TMC3: variants seen among roughly 807,000 people sequenced by gnomAD.
The protein encoded by TMC3 is transmembrane channel-like protein 3.
A neutral mutation model predicts 110.6 loss-of-function variants in TMC3; 98 were observed. That is an observed-to-expected ratio of 0.89 (90% confidence interval 0.75 to 1.05). TMC3 has a LOEUF of 1.05. Among genes scored for constraint, TMC3 ranks in the 50% least tolerant of loss-of-function variants. The pLI, the probability that TMC3 is intolerant of heterozygous loss-of-function variation, is 0.00. For synonymous variants in TMC3, 489 were observed against 513.1 expected (o/e 0.95, Z 0.63); for missense variants, 1,319 against 1,373.2 (o/e 0.96, Z 0.62).
Position 81,359,488 on chromosome 15 carries a change from T to C in TMC3, c.395-17A>G. ...CAAAATGACCTAAAGAAAGACAAGA[T>C]AATGAGAACAGTTTAAATAAAATCC... On this transcript the variant is annotated splice_polypyrimidine_tract_variant and intron_variant, in intron 4 of 21. Coordinates refer to ENST00000359440, the MANE Select transcript of TMC3 (RefSeq NM_001080532.3). 6.7e-7 allele frequency: 1 copy of C among 1,503,184 alleles called. No individual in the cohort carries two copies. The highest frequency in any genetic ancestry group is 9.0e-7 in the Non-Finnish European group (1 of 1,110,558). The allele number at this position is 1,503,184 out of a possible 1,614,324, so 93.1% of individuals were successfully genotyped here.
chr15:81,337,328 T>G (rs1258365174), intron 19 of TMC3, among the ~76,000 whole-genome samples: 1 of 151,970 alleles, frequency 6.6e-6, no homozygotes. Flanking sequence ...GAGGAGAAAT[T>G]GTGGGAGTTT....
intron 18 of TMC3, among the ~76,000 whole-genome samples, 156 bp from the exon 19 acceptor site, chr15:81,338,080 G>C (rs3922930): frequency 6.6e-6 from 1 of 151,890 alleles, no homozygotes; most frequent in Non-Finnish European, 1.5e-5. Context: ...GTATCAGCAA[G>C]TTCTCAAGCC....
chr15:81,367,965 C>T (rs772017440), intron 3 of TMC3, among the ~76,000 whole-genome samples: 2 of 152,144 alleles, frequency 1.3e-5, no homozygotes, highest in Non-Finnish European at 2.9e-5. Flanking sequence ...GAGGGAGTCT[C>T]ACTCTGTCAC....
At chr15:81,360,329 A>G (rs1023306148) in intron 4 of TMC3, among the ~76,000 whole-genome samples, 1 of 152,142 alleles carries the variant, frequency 6.6e-6, no homozygotes, top group Non-Finnish European at 1.5e-5. Context: ...TCCAGCATAC[A>G]TCTTAAATTA....
chr15:81,350,624 G>A (rs1893927669), intron 10 of TMC3, among the ~76,000 whole-genome samples: 1 of 152,190 alleles, frequency 6.6e-6, no homozygotes, highest in African/African-American at 2.4e-5. Context: ...CTCAGATTTT[G>A]ATAAATTACT....
intron 10 of TMC3, among the ~76,000 whole-genome samples, chr15:81,350,657 G>A (rs777537187): frequency 6.6e-6 from 1 of 152,028 alleles, no homozygotes; most frequent in African/African-American, 2.4e-5. Context: ...ATATGCACAC[G>A]GTAAATTGAT....
intron 8 of TMC3, 121 bp downstream of exon 8, chr15:81,356,326 A>T: frequency 9.5e-7 from 1 of 1,048,794 alleles, no homozygotes; most frequent in Non-Finnish European, 1.3e-6. Context: ...TTTGGAAACA[A>T]CTGCCCTGGA....
At chr15:81,345,876 CAAAA>C (rs1195038127) in intron 12 of TMC3, among the ~76,000 whole-genome samples, 1 of 147,016 alleles carries the variant, frequency 6.8e-6, no homozygotes, top group African/African-American at 2.5e-5. Context: ...GACCCTGTCT[CAAAA>C]AAGAAAAAAA....
At chr15:81,354,787 G>A (rs1894023810) in intron 9 of TMC3, among the ~76,000 whole-genome samples, 3 of 152,164 alleles carry the variant, frequency 2.0e-5, no homozygotes, top group African/African-American at 4.8e-5. Flanking sequence ...CCCTTGATTT[G>A]CACAATGAGG....
intron 11 of TMC3, among the ~76,000 whole-genome samples, chr15:81,348,611 G>A (rs890263142): frequency 1.3e-5 from 2 of 152,168 alleles, no homozygotes; most frequent in Non-Finnish European, 2.9e-5. Context: ...GACTGTCCTG[G>A]CAAAGCTTCC....
intron 3 of TMC3, among the ~76,000 whole-genome samples, chr15:81,362,638 G>A (rs1046899028): frequency 2.0e-5 from 3 of 152,136 alleles, no homozygotes; most frequent in Admixed American, 6.5e-5. Context: ...TCCTGATGAG[G>A]GGTATCTCTT....
Position 81,365,252 on chromosome 15 carries a change from A to G in TMC3, c.313-2951T>C, listed in dbSNP as rs947582230. On this transcript the variant is annotated intron_variant, in intron 3 of 21. Coordinates refer to ENST00000359440, the MANE Select transcript of TMC3 (RefSeq NM_001080532.3). ...AGTAAAAGGGGTGGGAGAGGAGGGG[A>G]AAATGAGACAGTTTAATTAAATGCA... Among the ~76,000 whole-genome samples the G allele has an allele frequency of 3.8e-3, 572 of 152,170 alleles. 3 individuals are homozygous for G. Among genetic ancestry groups the G allele is most frequent in the African/African-American group, 0.013 (542 of 41,496 alleles).
At chr15:81,359,654 A>ATC (rs113774771) in intron 4 of TMC3, among the ~76,000 whole-genome samples, 183 bp from the exon 5 acceptor site, 1,952 of 152,294 alleles carry the variant, frequency 0.013, 53 homozygotes, top group African/African-American at 0.044. Flanking sequence ...GCCCCTGAAT[A>ATC]TCTATCAGTT....
intron 9 of TMC3, among the ~76,000 whole-genome samples, chr15:81,353,251 G>A (rs555300956): frequency 1.3e-5 from 2 of 149,688 alleles, no homozygotes; most frequent in African/African-American, 2.5e-5. Context: ...AGTATTACAA[G>A]AGTCAAACAG....
chr15:81,344,743 T>C, intron 13 of TMC3, 23 bp downstream of exon 13: 3 of 1,611,504 alleles, frequency 1.9e-6, no homozygotes, highest in Non-Finnish European at 2.5e-6. Flanking sequence ...ATGACAGAGC[T>C]TTGTAAGGGT....
At position 81,368,236 on chromosome 15, in the gene TMC3, T is replaced by C. The variant is rs1223745144; in HGVS notation, c.312+17A>G. ...GTGTGAGCCACCGCGCCCAGCCACA[T>C]GTGTGTTCTGTATTACCTCTGCACC... On this transcript the variant is annotated intron_variant, in intron 3 of 21. Coordinates refer to ENST00000359440, the MANE Select transcript of TMC3 (RefSeq NM_001080532.3). The C allele has an allele frequency of 4.4e-6, 7 of 1,608,420 alleles. No homozygotes were observed. The South Asian group carries it at 7.7e-5, about 18-fold the overall frequency.
Position 81,358,190 on chromosome 15 carries a change from C to T in TMC3, c.702G>A (p.Gly234=), listed in dbSNP as rs547155796. 135 of 1,610,902 alleles carry T rather than the reference C, an allele frequency of 8.4e-5. 2 individuals carry two copies. The South Asian group carries it at 1.4e-3, about 17-fold the overall frequency. The change falls in exon 7 of 22, where the codon GGG becomes GGA. Residue 234 remains glycine, a synonymous_variant. Transcript: ENST00000359440. ...TGAAGCTGTAAGCAAACACTGCCAT[C>T]CCCACTAGGAAATACGCCAAGGGCA... ...YRLPLAYFLV[G]MAVFAYSFII... is the part of the protein sequence containing the mutation.
intron 19 of TMC3, chr15:81,337,571 C>T (rs1893624426): frequency 5.6e-6 from 3 of 538,556 alleles, no homozygotes; most frequent in Non-Finnish European, 1.0e-5. Context: ...TTGGTGTGGT[C>T]ACAGGGTGGG....
In TMC3 at chr15:81,352,817, TTTTG is replaced by T. The variant is rs770988781; in HGVS notation, c.936-980_936-977del. Among the ~76,000 whole-genome samples, 110 of 152,278 alleles carry T rather than the reference TTTTG, an allele frequency of 7.2e-4. 1 individual carries two copies. Among genetic ancestry groups the T allele is most frequent in the Middle Eastern group, 3.4e-3 (1 of 294 alleles). ...TGTGTTAGTCTTTTGTTTGTTTGTT[TTTTG>T]TTTGTTTGTTTGTTTGAGATGGCAT... On this transcript the variant is annotated intron_variant, in intron 9 of 21. Coordinates refer to ENST00000359440, the MANE Select transcript of TMC3 (RefSeq NM_001080532.3).
Sources: gnomAD v4.1 joint callset for allele counts (sites outside exome capture counted in the v4.1 genomes callset) on GRCh38, gnomAD v4.1.1 for gene constraint, MANE v1.5 for transcripts, NCBI Gene and HGNC (gene_info 2026-07-23, HGNC 2026-07-21) for gene names.